STOML3: variants seen among roughly 807,000 people sequenced by gnomAD.
STOML3 encodes the protein stomatin-like protein 3.
STOML3 carries 31 observed loss-of-function variants against 29.5 expected under a neutral mutation model. The ratio of observed to expected loss-of-function variants is 1.05; its 90% CI spans 0.79 to 1.42. The LOEUF (loss-of-function observed/expected upper bound fraction) is 1.42. Among genes scored for constraint, STOML3 ranks in the 40% most tolerant of loss-of-function variants. STOML3 has a pLI of 0.00. For synonymous variants in STOML3, 122 were observed against 139.8 expected (o/e 0.87, Z 0.90); for missense variants, 380 against 363.0 (o/e 1.05, Z -0.38).
chr13:38,976,375 G>T (rs1881073218), intron 3 of STOML3, among the ~76,000 whole-genome samples, 165 bp downstream of exon 3: 1 of 152,112 alleles, frequency 6.6e-6, no homozygotes, highest in African/African-American at 2.4e-5. Context: ...CCACTGACTT[G>T]CATTAAAAGG....
chr13:38,968,523 A>T lies in STOML3; in HGVS notation c.528T>A (p.Asp176Glu), dbSNP rs764963317. The T allele has an allele frequency of 6.2e-7, 1 of 1,614,196 alleles. No individual in the cohort carries two copies. Among genetic ancestry groups the T allele is most frequent in the East Asian group, 2.2e-5 (1 of 44,878 alleles). The change falls in exon 6 of 7, where the codon GAT (aspartate) becomes GAA (glutamate). Residue 176 changes from aspartate to glutamate, a missense_variant. By Grantham distance (45) the Asp-to-Glu change is conservative. Coordinates refer to ENST00000379631, the MANE Select transcript of STOML3 (RefSeq NM_145286.3). The stretch of plus-strand genomic sequence containing the variant: ...GGATCCCCCACAGTTCGGTGGCATC[A>T]TCAAGTAAAGTCTGTTTCCAAATTA... The part of the protein sequence containing the change: ...EIAHSIQTLL[D>E]DATELWGIRV...
intron 1 of STOML3, among the ~76,000 whole-genome samples, chr13:38,986,764 T>C (rs889974015): frequency 6.6e-6 from 1 of 152,164 alleles, no homozygotes; most frequent in Non-Finnish European, 1.5e-5. Flanking sequence ...AAAAGGAATA[T>C]AGTCCTACTC....
Position 38,987,200 on chromosome 13 carries a change from T to C in STOML3, c.52+3470A>G, listed in dbSNP as rs115313004. On this transcript the variant is annotated intron_variant, in intron 1 of 6. Transcript: ENST00000379631. ...CCTTGTGAGGTCATGAGCTTGGAGT[T>C]AGAAACACATGCACACAAGTGGCTT... Among the ~76,000 whole-genome samples, 871 of 152,164 alleles carry C rather than the reference T, an allele frequency of 5.7e-3. 8 individuals carry two copies. Among genetic ancestry groups the C allele is most frequent in the African/African-American group, 0.02 (839 of 41,516 alleles).
chr13:38,985,911 C>CTTTTTTTTTTTTTT (rs1170409048), intron 1 of STOML3, among the ~76,000 whole-genome samples: 49 of 85,610 alleles, frequency 5.7e-4, no homozygotes, highest in East Asian at 1.2e-3. Flanking sequence ...TCTTTTCTTT[C>CTTTTTTTTTTTTTT]TTTTTTTTTT....
At chr13:38,971,422 CA>C (rs1880863298) in intron 4 of STOML3, among the ~76,000 whole-genome samples, 1 of 152,132 alleles carries the variant, frequency 6.6e-6, no homozygotes, top group Non-Finnish European at 1.5e-5. Context: ...CTGAACCAGA[CA>C]GAAGAAAATT....
chr13:38,966,807 G>C lies in STOML3; in HGVS notation c.*18C>G. ...AGACACCACTCTCTATGCAATAGCT[G>C]ACTACCGCAAGAGGACCTCAGGCTT... On this transcript the variant is annotated 3_prime_UTR_variant, in exon 7 of 7. Coordinates refer to ENST00000379631, the MANE Select transcript of STOML3 (RefSeq NM_145286.3). 6.2e-7 allele frequency: 1 copy of C among 1,604,004 alleles called. No individual in the cohort carries two copies. The highest frequency in any genetic ancestry group is 2.2e-5 in the East Asian group (1 of 44,826).
Position 38,972,753 on chromosome 13 carries a change from T to C in STOML3, c.230-159A>G, listed in dbSNP as rs559922173. Reference sequence around the variant, plus strand: ...CTCTGAGGAAAATGATTTCATCCTCTAGGTCAGTGACTAAAGAAAAGTAAT... The same window carrying C: ...CTCTGAGGAAAATGATTTCATCCTCCAGGTCAGTGACTAAAGAAAAGTAAT... On this transcript the variant is annotated intron_variant, in intron 3 of 6. Coordinates refer to ENST00000379631, the MANE Select transcript of STOML3 (RefSeq NM_145286.3). Among the ~76,000 whole-genome samples the C allele has an allele frequency of 2.6e-5, 4 of 152,340 alleles. No homozygotes were observed. In the East Asian group the frequency reaches 7.7e-4, roughly 29 times the overall value.
chr13:38,972,670 A>G (rs1339533400), intron 3 of STOML3, 76 bp from the exon 4 acceptor site: 1 of 1,251,758 alleles, frequency 8.0e-7, no homozygotes, highest in Non-Finnish European at 1.2e-6. Context: ...AGCATAGTGC[A>G]TCATTTACAT....
chr13:38,973,107 A>C (rs1482992369), intron 3 of STOML3, among the ~76,000 whole-genome samples: 2,759 of 138,452 alleles, frequency 0.02, 106 homozygotes, highest in South Asian at 0.031. Context: ...AAAAAAAAAA[A>C]AAAAAAAAAA....
At chr13:38,979,924 G>T in intron 1 of STOML3, 1 of 891,506 alleles carries the variant, frequency 1.1e-6, no homozygotes, top group Non-Finnish European at 1.8e-6. Context: ...CACGCAGGCA[G>T]CTGGGACTCC....
At chr13:38,984,768 C>T (rs1335139911) in intron 1 of STOML3, among the ~76,000 whole-genome samples, 1 of 152,162 alleles carries the variant, frequency 6.6e-6, no homozygotes, top group African/African-American at 2.4e-5. Context: ...CATGATTGTA[C>T]ACCCTCTATC....
Position 38,988,181 on chromosome 13 carries a change from TATATAAAATATATTATATTTC to T in STOML3, c.52+2468_52+2488del, listed in dbSNP as rs1339765369. Among the ~76,000 whole-genome samples, 398 of 75,332 alleles carry T rather than the reference TATATAAAATATATTATATTTC, an allele frequency of 5.3e-3. 11 individuals carry two copies. The highest frequency in any genetic ancestry group is 0.011 in the East Asian group (24 of 2,158). The allele number at this position is 75,332 out of a possible 152,430, so 49.4% of individuals were successfully genotyped here. ...ATTTTATATATAATATATTATATTT[TATATAAAATATATTATATTTC>T]ATATAAAATATATGATATTTTATAT... On this transcript the variant is annotated intron_variant, in intron 1 of 6. Transcript: ENST00000379631.
At chr13:38,983,218 A>G (rs1344933303) in intron 1 of STOML3, among the ~76,000 whole-genome samples, 3 of 152,194 alleles carry the variant, frequency 2.0e-5, no homozygotes, top group African/African-American at 4.8e-5. Flanking sequence ...TAGATGGCTT[A>G]TGACCTCCCC....
In STOML3 at chr13:38,966,699, T is replaced by A; in HGVS notation, c.*126A>T. ...AGCCTCTAGAGCTTTTTCCTGCCAA[T>A]GCTCTTCCATCTATGGAGTTACTGT... On this transcript the variant is annotated 3_prime_UTR_variant, in exon 7 of 7. Transcript: ENST00000379631. The A allele has an allele frequency of 1.2e-6, 1 of 813,398 alleles. No homozygotes were observed. The highest frequency in any genetic ancestry group is 2.0e-6 in the Non-Finnish European group (1 of 504,608). 50.4% of individuals were successfully genotyped at this position (813,398 alleles called of 1,614,324 possible). A position where few individuals can be genotyped will look rare whatever the true frequency, so the allele number is the denominator to read the frequency against.
rs1880686229 is a variant in STOML3, at chr13:38,967,099, C to A, written c.652-50G>T. 3.9e-6 allele frequency: 6 copies of A among 1,529,224 alleles called. No homozygotes were observed. In the East Asian group the frequency reaches 9.4e-5, roughly 24 times the overall value. The allele number at this position is 1,529,224 out of a possible 1,614,324, so 94.7% of individuals were successfully genotyped here. On this transcript the variant is annotated intron_variant, in intron 6 of 6. Transcript: ENST00000379631. ...TCAGAAATAAAAGTTTACACTATAA[C>A]TAGTTCTTTCTTTTTCTGGGTCTGT...
chr13:38,989,005 A>G (rs1868883128), intron 1 of STOML3, among the ~76,000 whole-genome samples: 1 of 146,524 alleles, frequency 6.8e-6, no homozygotes, highest in African/African-American at 2.5e-5. Flanking sequence ...ATCATACATT[A>G]TATACTATAT....
chr13:38,990,784 A>G lies in STOML3; in HGVS notation c.-63T>C. The G allele has an allele frequency of 1.3e-6, 2 of 1,482,668 alleles. No individual in the cohort carries two copies. The highest frequency in any genetic ancestry group is 1.9e-6 in the Non-Finnish European group (2 of 1,063,596). 91.8% of individuals were successfully genotyped at this position (1,482,668 alleles called of 1,614,324 possible). On this transcript the variant is annotated 5_prime_UTR_variant, in exon 1 of 7. Transcript: ENST00000379631. ...ATGGGTTTGGAGCTAAGTGTGAAGA[A>G]CAGGCAGCAACTCAGATGTGCTTGG...
chr13:38,975,592 T>G (rs1473100345), intron 3 of STOML3, among the ~76,000 whole-genome samples: 1 of 152,198 alleles, frequency 6.6e-6, no homozygotes, highest in African/African-American at 2.4e-5. Flanking sequence ...TTGCTTTTCA[T>G]ATGCCTTCTA....
Position 38,970,376 on chromosome 13 carries a change from C to G in STOML3, c.325G>C (p.Asp109His), listed in dbSNP as rs760561528. ...NIPPQEILTR[D>H]SVTTQVDGVV... ...CCATCTACCTGAGTAGTTACGGAGT[C>G]TCTGGTGAGGATCTGTGGAGTAAGA... The change falls in exon 5 of 7, where the codon GAC (aspartate) becomes CAC (histidine). Residue 109 changes from aspartate to histidine, a missense_variant. By Grantham distance (81) the Asp-to-His change is moderately conservative. Coordinates refer to ENST00000379631, the MANE Select transcript of STOML3 (RefSeq NM_145286.3). 6 of 1,613,880 alleles carry G rather than the reference C, an allele frequency of 3.7e-6. No homozygotes were observed. In the East Asian group the frequency reaches 1.1e-4, roughly 30 times the overall value.
Sources: allele counts gnomAD v4.1 joint callset (sites outside exome capture counted in the v4.1 genomes callset), GRCh38; gene constraint gnomAD v4.1.1; transcripts MANE v1.5; gene names NCBI Gene and HGNC (gene_info 2026-07-23, HGNC 2026-07-21).